Variants in AGBL4 observed in about 807,000 individuals in gnomAD.
AGBL4 encodes the protein AGBL carboxypeptidase 4, also known as cytosolic carboxypeptidase 6.
Under a neutral mutation model 66.4 loss-of-function variants are expected in AGBL4, and 58 were observed. The ratio of observed to expected loss-of-function variants is 0.87; its 90% confidence interval spans 0.71 to 1.09. The LOEUF (loss-of-function observed/expected upper bound fraction) is 1.09. AGBL4 is among the 50% of genes least tolerant of loss of function. AGBL4 has a pLI of 0.00. For synonymous variants in AGBL4, 234 were observed against 222.9 expected (o/e 1.05, Z -0.44); for missense variants, 579 against 631.0 (o/e 0.92, Z 0.88).
At chr1:48,626,987 TC>T (rs2148404797) in intron 9 of AGBL4, among the ~76,000 whole-genome samples, 1 of 152,144 alleles carries the variant, frequency 6.6e-6, no homozygotes, top group African/African-American at 2.4e-5. Flanking sequence ...TGGCCTCCTG[TC>T]CTCCTAGTTT....
intron 9 of AGBL4, among the ~76,000 whole-genome samples, chr1:48,618,774 C>G (rs763905240): frequency 1.3e-4 from 20 of 152,262 alleles, no homozygotes; most frequent in Non-Finnish European, 2.2e-4. Flanking sequence ...CTAGCATGCT[C>G]AATCTTTGGA....
At chr1:49,769,701 A>C (rs1643999664) in intron 2 of AGBL4, among the ~76,000 whole-genome samples, 1 of 152,084 alleles carries the variant, frequency 6.6e-6, no homozygotes, top group African/African-American at 2.4e-5. Context: ...GCCAACAAAA[A>C]CGATGGGGAC....
chr1:49,326,525 GA>G (rs1645231450), intron 3 of AGBL4, among the ~76,000 whole-genome samples: 1 of 152,120 alleles, frequency 6.6e-6, no homozygotes, highest in Non-Finnish European at 1.5e-5. Context: ...AGAAGGGAAG[GA>G]AAATAATTAA....
rs79264039 is a variant in AGBL4, at chr1:49,214,101, A to G, written c.377+31669T>C. Among the ~76,000 whole-genome samples the G allele has an allele frequency of 2.7e-3, 404 of 152,264 alleles. 1 individual carries two copies. The highest frequency in any genetic ancestry group is 4.1e-3 in the Non-Finnish European group (282 of 68,006). On this transcript the variant is annotated intron_variant, in intron 4 of 13. Transcript: ENST00000371839. The stretch of plus-strand genomic sequence containing the variant: ...ATCCAGAGTTCAAGACTAGCAGGAG[A>G]GACAGACACATAAACAGAGTTAGAA...
chr1:48,838,291 AC>A (rs1646728177), intron 6 of AGBL4, among the ~76,000 whole-genome samples: 1 of 152,166 alleles, frequency 6.6e-6, no homozygotes, highest in African/African-American at 2.4e-5. Context: ...ATCAAAGTAT[AC>A]TATAAAGCTG....
At chr1:49,875,280 A>G (rs898870476) in intron 1 of AGBL4, among the ~76,000 whole-genome samples, 1 of 139,746 alleles carries the variant, frequency 7.2e-6, no homozygotes, top group African/African-American at 2.7e-5. Flanking sequence ...AGCATTAGGT[A>G]TATCTCCCAA....
At chr1:48,628,825 A>C (rs1570060603) in intron 9 of AGBL4, among the ~76,000 whole-genome samples, 25 of 85,654 alleles carry the variant, frequency 2.9e-4, no homozygotes, top group South Asian at 1.0e-3. Context: ...TGGATCACCC[A>C]CCCCCCACCC....
At chr1:49,206,859 TGGAGAGGAGA>T (rs71056687) in intron 4 of AGBL4, among the ~76,000 whole-genome samples, 36,437 of 63,664 alleles carry the variant, frequency 0.57, 11,902 homozygotes, top group Non-Finnish European at 0.7. Context: ...AGACTTTAGA[TGGAGAGGAGA>T]GGAGAGGAGA....
intron 4 of AGBL4, among the ~76,000 whole-genome samples, chr1:49,087,024 G>C (rs773598609): frequency 4.0e-5 from 6 of 148,986 alleles, no homozygotes; most frequent in Non-Finnish European, 7.4e-5. Flanking sequence ...AAGGGCATAA[G>C]AGAAGGTAAA....
intron 1 of AGBL4, among the ~76,000 whole-genome samples, chr1:49,912,764 A>G (rs930119039): frequency 2.6e-5 from 4 of 152,244 alleles, no homozygotes; most frequent in Admixed American, 1.3e-4. Context: ...TATTTGGCTC[A>G]ACAGTTCTGT....
intron 9 of AGBL4, among the ~76,000 whole-genome samples, chr1:48,606,016 G>A (rs945904852): frequency 2.0e-5 from 3 of 152,122 alleles, no homozygotes; most frequent in African/African-American, 4.8e-5. Flanking sequence ...GTAAAACCCC[G>A]CATTGCAGAT....
chr1:48,599,104 T>A (rs1645039149), intron 9 of AGBL4, among the ~76,000 whole-genome samples: 1 of 152,200 alleles, frequency 6.6e-6, no homozygotes, highest in African/African-American at 2.4e-5. Context: ...CCACATCTTA[T>A]CACACTGGAA....
chr1:49,017,933 G>A (rs1662941553), intron 5 of AGBL4, among the ~76,000 whole-genome samples: 1 of 152,104 alleles, frequency 6.6e-6, no homozygotes, highest in Non-Finnish European at 1.5e-5. Context: ...ACAACCTAGA[G>A]GAAGATCTCC....
At chr1:49,433,496 T>C (rs1645833053) in intron 3 of AGBL4, among the ~76,000 whole-genome samples, 1 of 152,164 alleles carries the variant, frequency 6.6e-6, no homozygotes, top group Non-Finnish European at 1.5e-5. Flanking sequence ...GATTGTTGAG[T>C]GAGAGAATAG....
chr1:48,689,411 T>A (rs955597757), intron 6 of AGBL4, among the ~76,000 whole-genome samples: 2 of 149,720 alleles, frequency 1.3e-5, no homozygotes, highest in African/African-American at 2.5e-5. Context: ...CTACCTTCCT[T>A]CCTTCCTTCC....
intron 3 of AGBL4, among the ~76,000 whole-genome samples, chr1:49,382,127 A>G (rs1644630294): frequency 6.6e-6 from 1 of 152,156 alleles, no homozygotes; most frequent in African/African-American, 2.4e-5. Flanking sequence ...TCCACTAGGC[A>G]CTGAGAAGTA....
chr1:49,603,765 C>T (rs1037953905), intron 3 of AGBL4, among the ~76,000 whole-genome samples: 3 of 151,990 alleles, frequency 2.0e-5, no homozygotes, highest in African/African-American at 7.3e-5. Context: ...ACTCTATATG[C>T]TTTTGCATAC....
intron 8 of AGBL4, among the ~76,000 whole-genome samples, chr1:48,648,771 G>A (rs187439515): frequency 7.2e-5 from 11 of 152,264 alleles, no homozygotes; most frequent in South Asian, 4.1e-4. Context: ...ACCATGCTCC[G>A]TGCAATAACT....
chr1:48,688,843 G>A (rs1646576218), intron 6 of AGBL4, among the ~76,000 whole-genome samples: 1 of 151,390 alleles, frequency 6.6e-6, no homozygotes, highest in Non-Finnish European at 1.5e-5. Context: ...GGAGACACAA[G>A]AGGGAAGGGG....
Sources: gnomAD v4.1 joint callset for allele counts (sites outside exome capture counted in the v4.1 genomes callset) on GRCh38, gnomAD v4.1.1 for gene constraint, MANE v1.5 for transcripts, NCBI Gene and HGNC (gene_info 2026-07-23, HGNC 2026-07-21) for gene names.